SLC7A6: variants seen among roughly 807,000 people sequenced by gnomAD.
SLC7A6 encodes the protein Y+L amino acid transporter 2.
In SLC7A6, 29 loss-of-function variants were observed where a neutral mutation model predicts 46.6. The observed-to-expected ratio is 0.62, with a 90% CI of 0.46 to 0.85. The LOEUF is 0.85. Ranked by LOEUF, SLC7A6 falls within the 40% of genes least tolerant of loss-of-function variation. The probability of loss-of-function intolerance (pLI) is 0.00; values close to 1 mark genes in which losing one functional copy is unlikely to be tolerated. For missense variants in SLC7A6, 527 were observed against 647.6 expected, an observed-to-expected ratio of 0.81 and a Z score of 2.02; for synonymous variants, 276 against 257.3, an observed-to-expected ratio of 1.07 and a Z score of -0.70.
chr16:68,300,664 A>G lies in SLC7A6; in HGVS notation c.*3336A>G, dbSNP rs1174124514. Reference sequence around the variant, plus strand: ...CTAAACACATGTATCACATTCATATATATTGTTTCTTGGCCCCACTGCCAA... The same window carrying G: ...CTAAACACATGTATCACATTCATATGTATTGTTTCTTGGCCCCACTGCCAA... On this transcript the variant is annotated 3_prime_UTR_variant, in exon 11 of 11. Transcript: ENST00000219343. The G allele has an allele frequency of 2.0e-6, 2 of 985,314 alleles. No individual in the cohort carries two copies. Among genetic ancestry groups the G allele is most frequent in the African/African-American group, 1.7e-5 (1 of 57,220 alleles). The allele number at this position is 985,314 out of a possible 1,614,324, so 61.0% of individuals were successfully genotyped here. A position where few individuals can be genotyped will look rare whatever the true frequency, so the allele number is the denominator to read the frequency against.
rs2042493803 is a variant in SLC7A6 at position 68,264,619 on chromosome 16, G to C, written c.-166+43G>C. ...GGGCGGGCGCGCCGGGAGCGGGGCCGGGGCTGGGCCGCGTTCTGTGGGAGC... is the reference window on the plus strand; with the variant it reads ...GGGCGGGCGCGCCGGGAGCGGGGCCCGGGCTGGGCCGCGTTCTGTGGGAGC... On this transcript the variant is annotated intron_variant, in intron 1 of 10. Transcript: ENST00000219343. The surrounding 1 kb of genome is among the most constrained non-coding windows in gnomAD (Gnocchi z 5.8). 6.6e-6 allele frequency: 1 copy of C among 152,010 alleles called. No homozygotes were observed. Among genetic ancestry groups the C allele is most frequent in the South Asian group, 1.9e-4 (1 of 5,156 alleles). 9.4% of individuals were successfully genotyped at this position (152,010 alleles called of 1,614,324 possible). A position where few individuals can be genotyped will look rare whatever the true frequency, so the allele number is the denominator to read the frequency against.
At chr16:68,295,990 C>A (rs1439673504) in intron 8 of SLC7A6, among the ~76,000 whole-genome samples, 1 of 152,118 alleles carries the variant, frequency 6.6e-6, no homozygotes. Flanking sequence ...GAAGGCGTTT[C>A]CCCCATTTGT....
chr16:68,292,846 T>C (rs1254543556), intron 7 of SLC7A6: 1 of 152,230 alleles, frequency 6.6e-6, no homozygotes, highest in Non-Finnish European at 1.5e-5. Flanking sequence ...CACTTTCCAA[T>C]TTTGAAACAA....
In SLC7A6 at chr16:68,291,269, C is replaced by A; in HGVS notation, c.855C>A (p.Thr285=). ...TTGTGACGCTCATCTACATCCTGAC[C>A]AATGTGGCCTATTACACAGTGCTGA... ...MPIVTLIYIL[T]NVAYYTVLNI... is the part of the protein sequence containing the mutation. Residue 285 remains threonine, a synonymous_variant, in exon 6 of 11, where the codon ACC becomes ACA. Coordinates refer to ENST00000219343, the MANE Select transcript of SLC7A6 (RefSeq NM_003983.6). 1.9e-6 allele frequency: 3 copies of A among 1,614,196 alleles called. No individual in the cohort carries two copies. Among genetic ancestry groups the A allele is most frequent in the Middle Eastern group, 1.6e-4 (1 of 6,062 alleles).
At chr16:68,267,754 G>C (rs2042559731) in intron 2 of SLC7A6, among the ~76,000 whole-genome samples, 1 of 152,192 alleles carries the variant, frequency 6.6e-6, no homozygotes, top group Admixed American at 6.5e-5. Flanking sequence ...GCTTCAGGAT[G>C]GGGGCTGGTC....
chr16:68,279,831 G>T (rs1438701721), intron 3 of SLC7A6, among the ~76,000 whole-genome samples: 2 of 152,252 alleles, frequency 1.3e-5, no homozygotes, highest in Non-Finnish European at 2.9e-5. Flanking sequence ...GAGCCTGTAA[G>T]TGTGGGCCCG....
chr16:68,273,387 G>C (rs1271135341), intron 2 of SLC7A6, among the ~76,000 whole-genome samples: 2 of 152,186 alleles, frequency 1.3e-5, no homozygotes, highest in Non-Finnish European at 2.9e-5. Flanking sequence ...TGTTACGTGG[G>C]TGGGAATCAA....
Position 68,296,608 on chromosome 16 carries a change from C to T in SLC7A6, c.1270-19C>T. On this transcript the variant is annotated intron_variant, in intron 9 of 10. Transcript: ENST00000219343. ...TTCCTCTTCCCACGTTACTTAATCTCTCACCCCCTCTATTTCAGCTGAGCG... is the reference window on the plus strand; with the variant it reads ...TTCCTCTTCCCACGTTACTTAATCTTTCACCCCCTCTATTTCAGCTGAGCG... 1.2e-6 allele frequency: 2 copies of T among 1,614,086 alleles called. No homozygotes were observed. The highest frequency in any genetic ancestry group is 1.7e-6 in the Non-Finnish European group (2 of 1,179,956).
At chr16:68,284,068 T>A (rs1306383932) in intron 3 of SLC7A6, among the ~76,000 whole-genome samples, 1 of 152,044 alleles carries the variant, frequency 6.6e-6, no homozygotes, top group African/African-American at 2.4e-5. Flanking sequence ...ACGAGGTGCC[T>A]GGGGTCAGCG....
intron 8 of SLC7A6, 49 bp downstream of exon 8, chr16:68,294,850 CT>C: frequency 3.1e-6 from 4 of 1,300,052 alleles, no homozygotes; most frequent in Non-Finnish European, 3.3e-6. Flanking sequence ...TGCATTGCTC[CT>C]TCTGATTTGT....
chr16:68,288,209 T>G (rs938108836), intron 4 of SLC7A6, among the ~76,000 whole-genome samples: 1 of 152,108 alleles, frequency 6.6e-6, no homozygotes, highest in Admixed American at 6.5e-5. Flanking sequence ...GTTTGTGGTC[T>G]GTGACTGCCA....
At chr16:68,293,321 G>A (rs1485676755) in intron 7 of SLC7A6, among the ~76,000 whole-genome samples, 2 of 152,226 alleles carry the variant, frequency 1.3e-5, no homozygotes, top group African/African-American at 4.8e-5. Flanking sequence ...CCGCTCGGGA[G>A]GGTGAGGCAG....
intron 4 of SLC7A6, 98 bp downstream of exon 4, chr16:68,287,969 T>C (rs1348829582): frequency 1.1e-5 from 16 of 1,506,514 alleles, no homozygotes; most frequent in East Asian, 9.3e-5. Context: ...TGTTTCTATG[T>C]ACATGCTAGC....
intron 7 of SLC7A6, 91 bp from the exon 8 acceptor site, chr16:68,294,614 G>A: frequency 1.1e-6 from 1 of 905,264 alleles, no homozygotes; most frequent in Admixed American, 1.8e-5. Flanking sequence ...CTTTCCTCGG[G>A]GGCTCTGAGC....
chr16:68,269,861 T>C (rs546459065), intron 2 of SLC7A6, among the ~76,000 whole-genome samples: 1 of 152,316 alleles, frequency 6.6e-6, no homozygotes, highest in Admixed American at 6.5e-5. Flanking sequence ...TCCCAACTCC[T>C]GAACTCAAAC....
At chr16:68,286,740 G>A (rs2042944016) in intron 3 of SLC7A6, among the ~76,000 whole-genome samples, 1 of 152,132 alleles carries the variant, frequency 6.6e-6, no homozygotes, top group Non-Finnish European at 1.5e-5. Flanking sequence ...AAAGCCACGT[G>A]AGCCTAGGGA....
At chr16:68,290,696 G>C in intron 5 of SLC7A6, 156 bp downstream of exon 5, 1 of 881,674 alleles carries the variant, frequency 1.1e-6, no homozygotes, top group South Asian at 1.6e-5. Context: ...GGGCTAGAAT[G>C]GGAGTGAGTG....
At chr16:68,281,863 A>G (rs1377241103) in intron 3 of SLC7A6, among the ~76,000 whole-genome samples, 1 of 152,194 alleles carries the variant, frequency 6.6e-6, no homozygotes, top group African/African-American at 2.4e-5. Context: ...TGAAGATTTC[A>G]ACATGGAAGT....
chr16:68,271,809 CTTTT>C (rs555148108), intron 2 of SLC7A6, among the ~76,000 whole-genome samples: 323 of 120,038 alleles, frequency 2.7e-3, no homozygotes, highest in African/African-American at 8.1e-3. Flanking sequence ...TTTTTCTTTT[CTTTT>C]TTTTTTTGAG....
Sources: gnomAD v4.1 joint callset for allele counts (sites outside exome capture counted in the v4.1 genomes callset) on GRCh38, gnomAD v4.1.1 for gene constraint, Gnocchi (gnomAD v3.1) non-coding constraint, MANE v1.5 for transcripts, NCBI Gene and HGNC (gene_info 2026-07-23, HGNC 2026-07-21) for gene names.